The following REDIC1 variants were observed in gnomAD, a reference collection of about 807,000 sequenced individuals.
The protein encoded by REDIC1 is HEI10 Interacting Protein 1.
At chr12:39,847,293 T>TC in the REDIC1 span, among the ~76,000 whole-genome samples, 97,343 of 151,808 alleles carry the variant, frequency 0.64, 31,366 homozygotes, top group East Asian at 0.77. Flanking sequence ...CTACATTCAT[T>TC]CTTCCCTCCT....
the REDIC1 span, among the ~76,000 whole-genome samples, chr12:39,786,368 T>TCTC: frequency 1.6e-4 from 1 of 6,294 alleles, no homozygotes; most frequent in Non-Finnish European, 3.6e-4. Context: ...GTCTTTCATC[T>TCTC]CCCACCATGA....
chr12:39,673,480 T>C, the REDIC1 span, among the ~76,000 whole-genome samples: 1 of 152,246 alleles, frequency 6.6e-6, no homozygotes, highest in Non-Finnish European at 1.5e-5. Context: ...GATTTCTTAT[T>C]GCTCTTTTCA....
At chr12:39,881,901 C>T in the REDIC1 span, among the ~76,000 whole-genome samples, 1 of 151,982 alleles carries the variant, frequency 6.6e-6, no homozygotes, top group Non-Finnish European at 1.5e-5. Context: ...CATTCTTACC[C>T]CTGTATCATG....
chr12:39,746,645 C>A, the REDIC1 span, among the ~76,000 whole-genome samples: 1 of 152,234 alleles, frequency 6.6e-6, no homozygotes, highest in African/African-American at 2.4e-5. Flanking sequence ...GGGTCCCTGA[C>A]CTCTGAGTAG....
At chr12:39,640,236 T>C in the REDIC1 span, among the ~76,000 whole-genome samples, 1 of 151,892 alleles carries the variant, frequency 6.6e-6, no homozygotes, top group Admixed American at 6.6e-5. Flanking sequence ...TGAAAGAGGC[T>C]ACGTAGAGTC....
the REDIC1 span, among the ~76,000 whole-genome samples, chr12:39,845,085 G>A: frequency 6.6e-6 from 1 of 151,856 alleles, no homozygotes; most frequent in Non-Finnish European, 1.5e-5. Context: ...ACTTTTTACT[G>A]TTTGGGGTAT....
chr12:39,864,615 C>T, the REDIC1 span: 8 of 1,108,424 alleles, frequency 7.2e-6, no homozygotes, highest in Non-Finnish European at 1.0e-5. Context: ...GGGCCCCTCT[C>T]TACCACCTTT....
chr12:39,838,174 A>T, the REDIC1 span, among the ~76,000 whole-genome samples: 1 of 150,348 alleles, frequency 6.7e-6, no homozygotes, highest in Non-Finnish European at 1.5e-5. Context: ...AAAAAGGATG[A>T]GTTCATGTCC....
chr12:39,808,071 C>A, the REDIC1 span, among the ~76,000 whole-genome samples: 132 of 152,290 alleles, frequency 8.7e-4, no homozygotes, highest in Middle Eastern at 3.4e-3. Context: ...ACCACTACCA[C>A]AGACAAGAGA....
At chr12:39,769,016 C>T in the REDIC1 span, among the ~76,000 whole-genome samples, 1 of 152,046 alleles carries the variant, frequency 6.6e-6, no homozygotes. Context: ...TTTGAGTTCC[C>T]AACCCGGTGT....
chr12:39,764,682 A>T, the REDIC1 span: 1 of 1,591,898 alleles, frequency 6.3e-7, no homozygotes, highest in Non-Finnish European at 8.5e-7. Flanking sequence ...TAGTTTATCT[A>T]CTCCAAAAAG....
At chr12:39,740,015 TTAGA>T in the REDIC1 span, among the ~76,000 whole-genome samples, 3 of 152,240 alleles carry the variant, frequency 2.0e-5, no homozygotes, top group African/African-American at 7.2e-5. Context: ...TTAGTCCTTC[TTAGA>T]TAGCTGCCAC....
the REDIC1 span, among the ~76,000 whole-genome samples, chr12:39,794,746 G>A: frequency 6.6e-6 from 1 of 152,176 alleles, no homozygotes; most frequent in Non-Finnish European, 1.5e-5. Context: ...GGGGCTGCCT[G>A]ATTTGCGAAT....
At chr12:39,892,515 G>T in the REDIC1 span, among the ~76,000 whole-genome samples, 60 of 152,234 alleles carry the variant, frequency 3.9e-4, no homozygotes, top group Non-Finnish European at 7.4e-4. Flanking sequence ...TTAGTCAAAA[G>T]ATTTTTTTTT....
chr12:39,646,095 T>C, the REDIC1 span, among the ~76,000 whole-genome samples: 1 of 151,878 alleles, frequency 6.6e-6, no homozygotes, highest in Admixed American at 6.6e-5. Context: ...GAAGAAAAAG[T>C]AGAACTAAAT....
chr12:39,871,736 G>T, the REDIC1 span: 2 of 1,474,646 alleles, frequency 1.4e-6, no homozygotes, highest in South Asian at 2.9e-5. Context: ...TATTTTTGAA[G>T]GTTAAACTTG....
At chr12:39,764,837 G>GA in the REDIC1 span, 1 of 1,612,096 alleles carries the variant, frequency 6.2e-7, no homozygotes, top group South Asian at 1.1e-5. Context: ...CTTCTGTTTT[G>GA]AACTTGGTTT....
the REDIC1 span, among the ~76,000 whole-genome samples, chr12:39,856,998 G>A: frequency 1.3e-5 from 2 of 152,128 alleles, no homozygotes; most frequent in African/African-American, 2.4e-5. Flanking sequence ...TATTTCATTT[G>A]TTTATGCAGA....
At chr12:39,692,553 AATATT>A in the REDIC1 span, among the ~76,000 whole-genome samples, 1 of 151,484 alleles carries the variant, frequency 6.6e-6, no homozygotes, top group Non-Finnish European at 1.5e-5. Context: ...TTTTTCACCC[AATATT>A]ATATTTTACA....
Sources: allele counts gnomAD v4.1 joint callset (sites outside exome capture counted in the v4.1 genomes callset), GRCh38; gene constraint gnomAD v4.1.1; transcripts MANE v1.5; gene names NCBI Gene and HGNC (gene_info 2026-07-23, HGNC 2026-07-21).